The following CFAP44 variants were observed in gnomAD, a reference collection of about 807,000 sequenced individuals.
The protein encoded by CFAP44 is cilia- and flagella-associated protein 44.
A neutral mutation model predicts 216.2 loss-of-function variants in CFAP44; 134 were observed. The observed-to-expected ratio is 0.62, with a 90% CI of 0.54 to 0.72. The LOEUF is 0.72. CFAP44 is among the 30% of genes least tolerant of loss of function. CFAP44 has a pLI of 0.00. For missense variants in CFAP44, 2,035 were observed against 2,182.1 expected, an observed-to-expected ratio of 0.93 and a Z score of 1.34; for synonymous variants, 700 against 727.6, an observed-to-expected ratio of 0.96 and a Z score of 0.61.
intron 4 of CFAP44, among the ~76,000 whole-genome samples, chr3:113,424,110 A>C (rs897686309): frequency 6.6e-6 from 1 of 152,206 alleles, no homozygotes; most frequent in Non-Finnish European, 1.5e-5. Context: ...ACTTGATTTA[A>C]CATTGCTAAA....
intron 32 of CFAP44, among the ~76,000 whole-genome samples, chr3:113,299,593 T>C (rs1401955269): frequency 6.6e-6 from 1 of 152,130 alleles, no homozygotes; most frequent in East Asian, 1.9e-4. Flanking sequence ...AATCAGTATA[T>C]TGAAGAGATA....
chr3:113,389,462 TAAAAAAGCAAGTGCAAACC>T (rs1933736849), intron 15 of CFAP44, among the ~76,000 whole-genome samples: 1 of 151,462 alleles, frequency 6.6e-6, no homozygotes, highest in Non-Finnish European at 1.5e-5. Flanking sequence ...CTTAAAGAAC[TAAAAAAGCAAGTGCAAACC>T]AAACTCAAAA....
intron 1 of CFAP44, among the ~76,000 whole-genome samples, chr3:113,436,098 G>A (rs1284131251): frequency 2.0e-5 from 3 of 152,068 alleles, no homozygotes; most frequent in Non-Finnish European, 4.4e-5. Flanking sequence ...CATCCTTTTA[G>A]TTATCCACAT....
At chr3:113,419,193 G>A (rs1490511705) in intron 5 of CFAP44, among the ~76,000 whole-genome samples, 1 of 152,120 alleles carries the variant, frequency 6.6e-6, no homozygotes, top group Non-Finnish European at 1.5e-5. Flanking sequence ...AACCTCATAG[G>A]CTCCGACTGA....
intron 15 of CFAP44, among the ~76,000 whole-genome samples, chr3:113,383,163 A>G (rs914640606): frequency 2.0e-5 from 3 of 152,270 alleles, no homozygotes; most frequent in Non-Finnish European, 4.4e-5. Flanking sequence ...GGGCATTGGA[A>G]GAATGTTATT....
intron 32 of CFAP44, among the ~76,000 whole-genome samples, chr3:113,302,602 A>C (rs1949947474): frequency 6.6e-6 from 1 of 151,336 alleles, no homozygotes. Flanking sequence ...TCTACTAAAA[A>C]ACACAAAAAT....
At position 113,400,599 on chromosome 3, in the gene CFAP44, C is replaced by A. The variant is rs747195998; in HGVS notation, c.1420G>T (p.Glu474Ter). Reference sequence around the variant, plus strand: ...GTGAGAGGAGAAACAGCCACGGCTTCAATAGCTCCAGAATGGAAGGAGAAG... The same window carrying A: ...GTGAGAGGAGAAACAGCCACGGCTTAAATAGCTCCAGAATGGAAGGAGAAG... ...CLFSFHSGAI[E>*]AVAVSPLTYL... Residue 474 changes from glutamate to a stop codon, truncating the protein, a stop_gained, in exon 12 of 35, where the codon GAA (glutamate) becomes TAA (stop). Coordinates refer to ENST00000393845, the MANE Select transcript of CFAP44 (RefSeq NM_001164496.2). LOFTEE classifies it high-confidence loss of function. 6.2e-7 allele frequency: 1 copy of A among 1,610,894 alleles called. No individual in the cohort carries two copies. The highest frequency in any genetic ancestry group is 8.5e-7 in the Non-Finnish European group (1 of 1,178,522).
chr3:113,343,043 T>TTTTC (rs1360798980), intron 23 of CFAP44, among the ~76,000 whole-genome samples: 3 of 147,136 alleles, frequency 2.0e-5, no homozygotes, highest in Non-Finnish European at 4.5e-5. Flanking sequence ...AACAAGTTTC[T>TTTTC]TTTCTTTCTT....
In CFAP44 at chr3:113,327,898, G is replaced by A. The variant is rs1424835584; in HGVS notation, c.4117-79C>T. The A allele has an allele frequency of 2.3e-6, 3 of 1,303,950 alleles. No individual in the cohort carries two copies. The Admixed American group carries it at 7.5e-5, about 33-fold the overall frequency. 80.8% of individuals were successfully genotyped at this position (1,303,950 alleles called of 1,614,324 possible). ...TTAAACTATCTAACAGTACTAATTTGTATGAAGTCATTTTTTATTATGCCC... is the reference window on the plus strand; with the variant it reads ...TTAAACTATCTAACAGTACTAATTTATATGAAGTCATTTTTTATTATGCCC... On this transcript the variant is annotated intron_variant, in intron 26 of 34. Coordinates refer to ENST00000393845, the MANE Select transcript of CFAP44 (RefSeq NM_001164496.2).
At chr3:113,303,298 A>G (rs748720178) in intron 32 of CFAP44, among the ~76,000 whole-genome samples, 1 of 152,218 alleles carries the variant, frequency 6.6e-6, no homozygotes, top group Non-Finnish European at 1.5e-5. Context: ...AACATTGTCT[A>G]TAATAATGAA....
chr3:113,348,611 T>C (rs1034076298), intron 22 of CFAP44, among the ~76,000 whole-genome samples: 37 of 152,250 alleles, frequency 2.4e-4, no homozygotes, highest in Admixed American at 2.2e-3. Context: ...TTCCTATTAA[T>C]GATAAGCCTC....
chr3:113,357,159 CATACTG>C (rs1196532495), intron 22 of CFAP44, among the ~76,000 whole-genome samples: 41 of 152,124 alleles, frequency 2.7e-4, no homozygotes, highest in Non-Finnish European at 5.4e-4. Context: ...CAATTTAAAC[CATACTG>C]AGATGCTACT....
chr3:113,382,514 G>C lies in CFAP44; in HGVS notation c.1891-1454C>G, dbSNP rs143860248. 1.1e-3 allele frequency among the ~76,000 whole-genome samples: 172 copies of C among 152,240 alleles called. 1 individual carries two copies. Among genetic ancestry groups the C allele is most frequent in the African/African-American group, 3.1e-3 (130 of 41,548 alleles). On this transcript the variant is annotated intron_variant, in intron 15 of 34. Coordinates refer to ENST00000393845, the MANE Select transcript of CFAP44 (RefSeq NM_001164496.2). ...GATTAGAGAAATATGGTAGTAGCTA[G>C]AGGAGAATATAAGATCAAGGAAGTT...
At chr3:113,406,190 G>C (rs1398128717) in intron 8 of CFAP44, among the ~76,000 whole-genome samples, 1 of 152,222 alleles carries the variant, frequency 6.6e-6, no homozygotes, top group African/African-American at 2.4e-5. Context: ...TACAGTTGCA[G>C]TGTTGCAGAT....
chr3:113,428,541 A>G (rs1328795603), intron 2 of CFAP44, among the ~76,000 whole-genome samples: 2 of 152,232 alleles, frequency 1.3e-5, no homozygotes, highest in Non-Finnish European at 2.9e-5. Flanking sequence ...TAAAATAGAC[A>G]GATGGAAGAC....
intron 15 of CFAP44, among the ~76,000 whole-genome samples, chr3:113,390,624 A>G (rs553086065): frequency 1.3e-5 from 2 of 152,264 alleles, no homozygotes; most frequent in Non-Finnish European, 2.9e-5. Flanking sequence ...AACTATTAGA[A>G]CTGGTAAACA....
At chr3:113,398,234 T>G (rs1243918156) in intron 13 of CFAP44, among the ~76,000 whole-genome samples, 4 of 152,122 alleles carry the variant, frequency 2.6e-5, no homozygotes, top group Non-Finnish European at 4.4e-5. Context: ...CACATAATCT[T>G]AGTATGCTCT....
In CFAP44 at chr3:113,291,738, A is replaced by G. The variant is rs754583545; in HGVS notation, c.5384T>C (p.Phe1795Ser). 1.7e-4 allele frequency: 267 copies of G among 1,535,754 alleles called. No individual in the cohort carries two copies. The highest frequency in any genetic ancestry group is 2.1e-4 in the Non-Finnish European group (246 of 1,146,932). ...AACATCTGCTTCCCGAGGGCCCTGG[A>G]AGGCATTGCCCTGTTGAAAGAAAAC... ...NTLQNQQGNA[F>S]QGPREADVVA... The change falls in exon 35 of 35, where the codon TTC becomes TCC. Residue 1795 changes from phenylalanine (F) to serine (S), a missense_variant. Physicochemically the swap from Phe to Ser is radical, Grantham distance 155 (BLOSUM62 -2). Coordinates refer to ENST00000393845, the MANE Select transcript of CFAP44 (RefSeq NM_001164496.2).
At chr3:113,357,984 TAAAG>T (rs1950506755) in intron 22 of CFAP44, among the ~76,000 whole-genome samples, 1 of 152,120 alleles carries the variant, frequency 6.6e-6, no homozygotes, top group African/African-American at 2.4e-5. Context: ...ATAATCATTT[TAAAG>T]AAAGATTAAA....
Sources: gnomAD v4.1 joint callset for allele counts (sites outside exome capture counted in the v4.1 genomes callset) on GRCh38, gnomAD v4.1.1 for gene constraint, MANE v1.5 for transcripts, NCBI Gene and HGNC (gene_info 2026-07-23, HGNC 2026-07-21) for gene names.